NRXN1: variants seen among roughly 807,000 people sequenced by gnomAD.
NRXN1 encodes the protein neurexin 1, also known as neurexin-1.
NRXN1 carries 39 observed loss-of-function variants against 150.9 expected under a neutral mutation model. That is an observed-to-expected ratio of 0.26 (90% CI 0.20 to 0.34). The LOEUF (loss-of-function observed/expected upper bound fraction) is 0.34, where lower values mean the gene tolerates loss of function less well. Among genes scored for constraint, NRXN1 ranks in the 10% least tolerant of loss-of-function variants. The pLI is 1.00. For missense variants in NRXN1, 1,815 were observed against 1,949.9 expected (o/e 0.93, Z 1.30); for synonymous variants, 924 against 757.0 (o/e 1.22, Z -3.62).
intron 9 of NRXN1, among the ~76,000 whole-genome samples, chr2:50,543,210 C>T (rs1250467758): frequency 6.6e-6 from 1 of 151,982 alleles, no homozygotes; most frequent in African/African-American, 2.4e-5. Flanking sequence ...TAGTTTGATT[C>T]CTTCATACAT....
chr2:50,477,918 A>G (rs886956514), intron 15 of NRXN1, among the ~76,000 whole-genome samples: 7 of 152,140 alleles, frequency 4.6e-5, no homozygotes, highest in Non-Finnish European at 7.4e-5. Context: ...TTTTCTCCTA[A>G]TTCTTATTGT....
intron 18 of NRXN1, among the ~76,000 whole-genome samples, chr2:50,119,266 T>C (rs1305720405): frequency 6.6e-6 from 1 of 152,172 alleles, no homozygotes; most frequent in Non-Finnish European, 1.5e-5. Context: ...TTAAAAATAA[T>C]TTTAAGAAAA....
chr2:50,025,467 T>A (rs1314552577), intron 21 of NRXN1, among the ~76,000 whole-genome samples: 1 of 152,162 alleles, frequency 6.6e-6, no homozygotes, highest in Non-Finnish European at 1.5e-5. Context: ...AAATGACATG[T>A]GCAATGTCAT....
At chr2:50,455,677 G>A (rs2087482734) in intron 17 of NRXN1, among the ~76,000 whole-genome samples, 2 of 152,086 alleles carry the variant, frequency 1.3e-5, no homozygotes, top group South Asian at 4.1e-4. Context: ...TAGGACCTGG[G>A]ACAGCAGATT....
At chr2:50,595,404 T>C (rs893922938) in intron 8 of NRXN1, among the ~76,000 whole-genome samples, 1 of 146,338 alleles carries the variant, frequency 6.8e-6, no homozygotes, top group Non-Finnish European at 1.5e-5. Flanking sequence ...TTATGATTTA[T>C]GGGCCAGGGT....
intron 16 of NRXN1, among the ~76,000 whole-genome samples, chr2:50,467,742 T>C (rs2089049182): frequency 6.6e-6 from 1 of 151,332 alleles, no homozygotes; most frequent in African/African-American, 2.4e-5. Context: ...TAAGAAGACC[T>C]CCCAAATCCA....
chr2:50,594,114 A>T (rs541850837), intron 8 of NRXN1, among the ~76,000 whole-genome samples: 2 of 152,210 alleles, frequency 1.3e-5, no homozygotes, highest in Non-Finnish European at 2.9e-5. Flanking sequence ...CTCTCCAGCC[A>T]TGCTGAACTG....
At chr2:50,447,553 T>C (rs2086538766) in intron 17 of NRXN1, among the ~76,000 whole-genome samples, 1 of 144,192 alleles carries the variant, frequency 6.9e-6, no homozygotes, top group Non-Finnish European at 1.5e-5. Flanking sequence ...TTCATATATA[T>C]ATACATATAT....
chr2:50,620,245 G>T (rs1679767456), intron 7 of NRXN1, 62 bp from the exon 8 acceptor site: 2 of 1,496,078 alleles, frequency 1.3e-6, no homozygotes, highest in African/African-American at 1.4e-5. Flanking sequence ...GTAATCCTGG[G>T]ATATGCCTGT....
intron 5 of NRXN1, among the ~76,000 whole-genome samples, chr2:50,799,863 T>C (rs1299001636): frequency 6.6e-6 from 1 of 152,062 alleles, no homozygotes; most frequent in Admixed American, 6.6e-5. Flanking sequence ...AACTCTAATC[T>C]TGTGACACTT....
At chr2:50,459,028 T>C (rs1418339285) in intron 17 of NRXN1, among the ~76,000 whole-genome samples, 6 of 152,134 alleles carry the variant, frequency 3.9e-5, no homozygotes, top group Admixed American at 3.9e-4. Context: ...TGAAATATGT[T>C]GATGTAATCT....
chr2:50,852,775 C>A (rs1212451683), intron 5 of NRXN1, among the ~76,000 whole-genome samples: 1 of 152,018 alleles, frequency 6.6e-6, no homozygotes, highest in African/African-American at 2.4e-5. Context: ...AACTAAAAAC[C>A]AGTAGCATAT....
chr2:50,233,512 T>C (rs1413081726), intron 18 of NRXN1, among the ~76,000 whole-genome samples: 2 of 152,064 alleles, frequency 1.3e-5, no homozygotes, highest in African/African-American at 4.8e-5. Flanking sequence ...CTAATTTAAA[T>C]AGCAGTATAT....
intron 5 of NRXN1, among the ~76,000 whole-genome samples, chr2:50,844,638 ATAT>A (rs1435614933): frequency 6.6e-6 from 1 of 152,182 alleles, no homozygotes; most frequent in East Asian, 1.9e-4. Context: ...AGTATACATC[ATAT>A]TATGATAATC....
At chr2:50,430,119 C>T (rs1414683499) in intron 17 of NRXN1, among the ~76,000 whole-genome samples, 1 of 152,110 alleles carries the variant, frequency 6.6e-6, no homozygotes, top group East Asian at 1.9e-4. Context: ...TATTCAATGC[C>T]TTGGATTTTA....
intron 17 of NRXN1, among the ~76,000 whole-genome samples, chr2:50,323,029 C>T (rs568690511): frequency 3.4e-4 from 51 of 152,222 alleles, no homozygotes; most frequent in African/African-American, 1.1e-3. Context: ...GCATAAAAAA[C>T]TATTTAACAA....
intron 18 of NRXN1, among the ~76,000 whole-genome samples, chr2:50,233,751 G>A (rs1462673462): frequency 2.0e-5 from 3 of 152,018 alleles, no homozygotes; most frequent in African/African-American, 7.2e-5. Context: ...TAATTTTTAA[G>A]TCAGTTATAT....
At chr2:50,706,457 G>T (rs963905439) in intron 5 of NRXN1, among the ~76,000 whole-genome samples, 2 of 152,096 alleles carry the variant, frequency 1.3e-5, no homozygotes, top group African/African-American at 4.8e-5. Flanking sequence ...ATTGATAAGG[G>T]AAACTTGATA....
Position 49,921,357 on chromosome 2 carries a change from AG to A in NRXN1, c.*586del, listed in dbSNP as rs1668165976. 2 of 152,532 alleles carry A rather than the reference AG, an allele frequency of 1.3e-5. No homozygotes were observed. The highest frequency in any genetic ancestry group is 2.9e-5 in the Non-Finnish European group (2 of 68,012). The allele number at this position is 152,532 out of a possible 1,614,324, so 9.4% of individuals were successfully genotyped here. On this transcript the variant is annotated 3_prime_UTR_variant, in exon 23 of 23. Transcript: ENST00000401669. ...TTTTTTTCCTCTCTCACAACCAGAA[AG>A]GGGCTTTTTGAATGTGTTCCTACAC...
Sources: gnomAD v4.1 joint callset for allele counts (sites outside exome capture counted in the v4.1 genomes callset) on GRCh38, gnomAD v4.1.1 for gene constraint, MANE v1.5 for transcripts, NCBI Gene and HGNC (gene_info 2026-07-23, HGNC 2026-07-21) for gene names.